The following LRCH1 variants were observed in gnomAD, a reference collection of about 807,000 sequenced individuals.
LRCH1 encodes the protein leucine-rich repeat and calponin homology domain-containing protein 1.
A neutral mutation model predicts 94.9 loss-of-function variants in LRCH1; 23 were observed. That is an observed-to-expected ratio of 0.24 (90% CI 0.17 to 0.34). The LOEUF (loss-of-function observed/expected upper bound fraction) is 0.34. Ranked by LOEUF, LRCH1 falls within the 10% of genes least tolerant of loss-of-function variation. The pLI is 1.00. For missense variants in LRCH1, 790 were observed against 945.9 expected (o/e 0.84, Z 2.16); for synonymous variants, 364 against 354.9 (o/e 1.03, Z -0.29).
chr13:46,744,759 T>A lies in LRCH1; in HGVS notation c.*2911T>A, dbSNP rs1175186757. 1.0e-6 allele frequency: 1 copy of A among 985,264 alleles called. No homozygotes were observed. Among genetic ancestry groups the A allele is most frequent in the African/African-American group, 1.7e-5 (1 of 57,240 alleles). The allele number at this position is 985,264 out of a possible 1,614,324, so 61.0% of individuals were successfully genotyped here. On this transcript the variant is annotated 3_prime_UTR_variant, in exon 20 of 20. Coordinates refer to ENST00000389797, the MANE Select transcript of LRCH1 (RefSeq NM_001164211.2). The stretch of plus-strand genomic sequence containing the variant: ...TGGGGAAAAAGTAGGGATGATATTT[T>A]AAAATTTTAAGAAACTGAAAGTTGT...
chr13:46,698,147 A>G (rs138469263), intron 9 of LRCH1, among the ~76,000 whole-genome samples: 2 of 152,326 alleles, frequency 1.3e-5, no homozygotes, highest in African/African-American at 4.8e-5. Flanking sequence ...AGAGTCCAGC[A>G]TTGGGCAGCT....
chr13:46,628,274 G>A (rs1230961042), intron 1 of LRCH1, among the ~76,000 whole-genome samples: 1 of 152,100 alleles, frequency 6.6e-6, no homozygotes, highest in East Asian at 1.9e-4. Context: ...AGTACTGGGA[G>A]ACAAGAATGA....
chr13:46,601,368 T>G (rs2050626782), intron 1 of LRCH1, among the ~76,000 whole-genome samples: 1 of 152,204 alleles, frequency 6.6e-6, no homozygotes, highest in Admixed American at 6.5e-5. Flanking sequence ...GAGACTGTTG[T>G]GTGTAAAAAC....
intron 9 of LRCH1, among the ~76,000 whole-genome samples, chr13:46,697,739 C>T (rs954735305): frequency 1.2e-4 from 19 of 152,258 alleles, no homozygotes; most frequent in Non-Finnish European, 4.4e-5. Flanking sequence ...CAGAGCACCA[C>T]GAATACTGGT....
intron 1 of LRCH1, among the ~76,000 whole-genome samples, chr13:46,623,864 C>G (rs1020745682): frequency 8.0e-6 from 1 of 125,310 alleles, no homozygotes; most frequent in Non-Finnish European, 1.6e-5. Context: ...CTCCCCCCTC[C>G]CCATCTCTGT....
chr13:46,642,852 A>G (rs1355788782), intron 1 of LRCH1, among the ~76,000 whole-genome samples: 2 of 152,134 alleles, frequency 1.3e-5, no homozygotes, highest in Admixed American at 6.5e-5. Flanking sequence ...GGACATCTCA[A>G]GAATCCTGAT....
In LRCH1 at chr13:46,567,443, T is replaced by G. The variant is rs77762579; in HGVS notation, c.307+13740T>G. ...GGCAAATAGATCTCTCTTTGTGCAG[T>G]TCCCTTGGAGGTGAAAATGATAATC... On this transcript the variant is annotated intron_variant, in intron 1 of 19. Coordinates refer to ENST00000389797, the MANE Select transcript of LRCH1 (RefSeq NM_001164211.2). Among the ~76,000 whole-genome samples the G allele has an allele frequency of 8.4e-3, 1,279 of 151,722 alleles. 5 individuals carry two copies. The highest frequency in any genetic ancestry group is 0.03 in the African/African-American group (1,222 of 41,170).
chr13:46,558,369 A>G (rs1434710159), intron 1 of LRCH1, among the ~76,000 whole-genome samples: 4 of 151,854 alleles, frequency 2.6e-5, no homozygotes, highest in African/African-American at 9.7e-5. Flanking sequence ...GTTTTGTAGG[A>G]TGGATAGGAT....
At chr13:46,666,943 C>T (rs570549074) in intron 2 of LRCH1, among the ~76,000 whole-genome samples, 43 of 152,244 alleles carry the variant, frequency 2.8e-4, no homozygotes, top group Admixed American at 2.7e-3. Flanking sequence ...CTCCCTTCCA[C>T]CGTCCCCAGA....
At chr13:46,691,243 G>C (rs1255399127) in intron 7 of LRCH1, among the ~76,000 whole-genome samples, 1 of 152,116 alleles carries the variant, frequency 6.6e-6, no homozygotes, top group East Asian at 1.9e-4. Flanking sequence ...AATAAACCAG[G>C]CTCCATATTT....
At chr13:46,645,122 T>C (rs1023196393) in intron 1 of LRCH1, among the ~76,000 whole-genome samples, 6 of 152,140 alleles carry the variant, frequency 3.9e-5, no homozygotes, top group African/African-American at 9.7e-5. Flanking sequence ...AGAGCAAATA[T>C]AATCTGTATT....
At chr13:46,571,241 A>G (rs1478790159) in intron 1 of LRCH1, among the ~76,000 whole-genome samples, 3 of 152,226 alleles carry the variant, frequency 2.0e-5, no homozygotes, top group Admixed American at 6.5e-5. Flanking sequence ...GTCATCCAGC[A>G]TGAGGGAGGA....
intron 1 of LRCH1, among the ~76,000 whole-genome samples, chr13:46,571,729 C>T (rs2050242621): frequency 6.6e-6 from 1 of 152,202 alleles, no homozygotes; most frequent in South Asian, 2.1e-4. Context: ...GGCTCTGTCA[C>T]TTAGCAGTTG....
intron 1 of LRCH1, among the ~76,000 whole-genome samples, chr13:46,570,291 G>C (rs965358386): frequency 6.6e-6 from 1 of 152,194 alleles, no homozygotes; most frequent in Non-Finnish European, 1.5e-5. Flanking sequence ...GCCTTGAGGA[G>C]AGTAGAAAAG....
intron 1 of LRCH1, among the ~76,000 whole-genome samples, chr13:46,609,052 C>T (rs754869921): frequency 5.3e-5 from 8 of 152,184 alleles, no homozygotes; most frequent in Non-Finnish European, 1.2e-4. Context: ...TCCACCCAGG[C>T]ATTTTCTTAA....
At chr13:46,633,877 G>T (rs1425608740) in intron 1 of LRCH1, among the ~76,000 whole-genome samples, 2 of 145,018 alleles carry the variant, frequency 1.4e-5, no homozygotes, top group East Asian at 3.9e-4. Context: ...TTCTTTTCCT[G>T]CATTTTTTTT....
chr13:46,698,876 T>C (rs754525540), intron 9 of LRCH1, among the ~76,000 whole-genome samples: 6 of 152,244 alleles, frequency 3.9e-5, no homozygotes, highest in African/African-American at 9.6e-5. Context: ...TTTAACTACA[T>C]TTACGTTGTG....
At chr13:46,641,724 G>A (rs905697653) in intron 1 of LRCH1, among the ~76,000 whole-genome samples, 19 of 152,124 alleles carry the variant, frequency 1.2e-4, no homozygotes, top group Admixed American at 1.2e-3. Flanking sequence ...TGGGGAACTC[G>A]TCCAGATCCT....
intron 1 of LRCH1, among the ~76,000 whole-genome samples, chr13:46,560,660 G>A (rs558737379): frequency 6.6e-6 from 1 of 152,160 alleles, no homozygotes; most frequent in East Asian, 1.9e-4. Context: ...CTAGTCTTTT[G>A]TTGCATGAAA....
Sources: allele counts gnomAD v4.1 joint callset (sites outside exome capture counted in the v4.1 genomes callset), GRCh38; gene constraint gnomAD v4.1.1; transcripts MANE v1.5; gene names NCBI Gene and HGNC (gene_info 2026-07-23, HGNC 2026-07-21).